Variants in ROBO2 observed in about 807,000 individuals in gnomAD.
ROBO2 encodes the protein roundabout homolog 2.
ROBO2 carries 53 observed loss-of-function variants against 160.8 expected under a neutral mutation model. The observed-to-expected ratio is 0.33, with a 90% CI of 0.26 to 0.41. ROBO2 has a LOEUF of 0.41. Among genes scored for constraint, ROBO2 ranks in the 10% least tolerant of loss-of-function variants. ROBO2 has a pLI of 1.00. For missense variants in ROBO2, 1,577 were observed against 1,722.4 expected, an observed-to-expected ratio of 0.92 and a Z score of 1.49; for synonymous variants, 664 against 611.7, an observed-to-expected ratio of 1.09 and a Z score of -1.26.
Position 76,150,210 on chromosome 3 carries a change from T to C in ROBO2, c.109+212608T>C, listed in dbSNP as rs369843259. Among the ~76,000 whole-genome samples the C allele has an allele frequency of 2.8e-3, 44 of 15,588 alleles. 2 individuals carry two copies. In the East Asian group the frequency reaches 0.12, roughly 43 times the overall value. The allele number at this position is 15,588 out of a possible 152,430, so 10.2% of individuals were successfully genotyped here. A position where few individuals can be genotyped will look rare whatever the true frequency, so the allele number is the denominator to read the frequency against. On this transcript the variant is annotated intron_variant, in intron 2 of 26. Coordinates refer to the ROBO2 transcript ENST00000487694. The stretch of plus-strand genomic sequence containing the variant: ...AACACACATCTGTCTAAAGCACACA[T>C]CATCTGTCTAAAACAGACATCTGTC...
chr3:76,290,654 G>A (rs1414750489), intron 2 of ROBO2, among the ~76,000 whole-genome samples: 1 of 151,998 alleles, frequency 6.6e-6, no homozygotes, highest in Non-Finnish European at 1.5e-5. Context: ...GTCAGTTGTG[G>A]GTCTGTCATA....
chr3:76,004,546 ATGACTCAC>A (rs2065969833), intron 2 of ROBO2, among the ~76,000 whole-genome samples: 1 of 152,178 alleles, frequency 6.6e-6, no homozygotes, highest in Non-Finnish European at 1.5e-5. Flanking sequence ...GTGCCTGGTA[ATGACTCAC>A]TTCCTGATTC....
intron 2 of ROBO2, among the ~76,000 whole-genome samples, chr3:76,642,230 C>A (rs2090717275): frequency 6.6e-6 from 1 of 151,392 alleles, no homozygotes. Flanking sequence ...TGCCCAAGAG[C>A]ACCAAGTTAG....
chr3:76,630,728 G>T (rs1297398534), intron 2 of ROBO2, among the ~76,000 whole-genome samples: 1 of 152,080 alleles, frequency 6.6e-6, no homozygotes, highest in African/African-American at 2.4e-5. Context: ...AATGACTCCA[G>T]GTGTGTAAGA....
At chr3:76,485,960 G>T (rs576965101) in intron 2 of ROBO2, among the ~76,000 whole-genome samples, 1 of 152,262 alleles carries the variant, frequency 6.6e-6, no homozygotes, top group Non-Finnish European at 1.5e-5. Context: ...GAAAATGAAA[G>T]AATTATATGA....
chr3:76,460,413 C>G (rs1487742397), intron 2 of ROBO2, among the ~76,000 whole-genome samples: 13 of 152,148 alleles, frequency 8.5e-5, no homozygotes, highest in Non-Finnish European at 1.8e-4. Flanking sequence ...TGGTGACTCA[C>G]TTTGAATGGA....
At chr3:77,642,785 A>G (rs971859325) in intron 24 of ROBO2, 24 of 456,738 alleles carry the variant, frequency 5.3e-5, no homozygotes, top group African/African-American at 4.4e-4. Context: ...AGCTCTCTAG[A>G]GAGACAACAT....
intron 2 of ROBO2, among the ~76,000 whole-genome samples, chr3:76,836,845 A>G (rs1011028111): frequency 6.6e-6 from 1 of 151,878 alleles, no homozygotes; most frequent in Non-Finnish European, 1.5e-5. Context: ...AAACTTGAAT[A>G]TGTATTCTTC....
At chr3:77,302,262 TA>T (rs1231066120) in intron 2 of ROBO2, among the ~76,000 whole-genome samples, 7 of 150,606 alleles carry the variant, frequency 4.6e-5, no homozygotes, top group Admixed American at 1.3e-4. Context: ...TTCTCAATAA[TA>T]AAAAAAAAGA....
At chr3:76,045,557 T>C (rs1354424976) in intron 2 of ROBO2, among the ~76,000 whole-genome samples, 2 of 152,086 alleles carry the variant, frequency 1.3e-5, no homozygotes, top group South Asian at 2.1e-4. Context: ...TTGGGGACCA[T>C]TGTATTTTTC....
At chr3:76,280,518 A>G (rs191083092) in intron 2 of ROBO2, among the ~76,000 whole-genome samples, 4 of 152,096 alleles carry the variant, frequency 2.6e-5, no homozygotes, top group Non-Finnish European at 5.9e-5. Flanking sequence ...TAGACTTTTT[A>G]GTCTCTAGAG....
rs892065895 is a variant in ROBO2, at chr3:77,316,905, G to A, written c.389-160509G>A. 5 of 1,181,118 alleles carry A rather than the reference G, an allele frequency of 4.2e-6. No homozygotes were observed. The African/African-American group carries it at 6.0e-5, about 14-fold the overall frequency. 73.2% of individuals were successfully genotyped at this position (1,181,118 alleles called of 1,614,324 possible). ...GGCTGGAGTTGTTCACTTTAGTGGA[G>A]AAGCAGGCATGAGGGTCAGTCTGAT... On this transcript the variant is annotated intron_variant, in intron 2 of 25. Transcript: ENST00000461745.
intron 2 of ROBO2, among the ~76,000 whole-genome samples, chr3:76,802,793 G>T (rs560926618): frequency 1.3e-4 from 20 of 151,564 alleles, no homozygotes. Flanking sequence ...AATTGAGTTT[G>T]GTGTAAGACA....
chr3:77,602,670 A>G (rs1323538151), intron 20 of ROBO2, among the ~76,000 whole-genome samples, 179 bp downstream of exon 21: 1 of 116,032 alleles, frequency 8.6e-6, no homozygotes, highest in African/African-American at 3.2e-5. Flanking sequence ...CGCCACCACC[A>G]CCACCACCAC....
intron 23 of ROBO2, chr3:77,629,769 T>C (rs927857857): frequency 3.3e-5 from 5 of 152,194 alleles, no homozygotes; most frequent in African/African-American, 1.2e-4. Context: ...GCTAAGAAAT[T>C]ACACATCAAA....
At chr3:76,643,053 A>G (rs2090780475) in intron 2 of ROBO2, among the ~76,000 whole-genome samples, 1 of 152,178 alleles carries the variant, frequency 6.6e-6, no homozygotes, top group Admixed American at 6.5e-5. Context: ...TGTTATAGAT[A>G]ATTAGTAGCT....
At chr3:76,816,572 G>A (rs946084046) in intron 2 of ROBO2, among the ~76,000 whole-genome samples, 1 of 151,954 alleles carries the variant, frequency 6.6e-6, no homozygotes, top group Non-Finnish European at 1.5e-5. Context: ...TCATGCTCAA[G>A]TATGTGTGGC....
intron 2 of ROBO2, among the ~76,000 whole-genome samples, chr3:76,273,754 A>G (rs144540979): frequency 4.7e-4 from 71 of 152,280 alleles, no homozygotes; most frequent in African/African-American, 1.5e-3. Context: ...CTGTGATTCA[A>G]TGATCTCCCA....
At chr3:76,254,365 G>A (rs1422847194) in intron 2 of ROBO2, among the ~76,000 whole-genome samples, 1 of 151,998 alleles carries the variant, frequency 6.6e-6, no homozygotes, top group Non-Finnish European at 1.5e-5. Context: ...AAAGCTATTT[G>A]ATTTCTTGTT....
Sources: gnomAD v4.1 joint callset for allele counts (sites outside exome capture counted in the v4.1 genomes callset) on GRCh38, gnomAD v4.1.1 for gene constraint, MANE v1.5 for transcripts, NCBI Gene and HGNC (gene_info 2026-07-23, HGNC 2026-07-21) for gene names.